RAD51B: variants seen among roughly 807,000 people sequenced by gnomAD.
The protein encoded by RAD51B is DNA repair protein RAD51 homolog 2.
RAD51B carries 38 observed loss-of-function variants against 42.2 expected under a neutral mutation model. The observed-to-expected ratio is 0.90, with a 90% CI of 0.70 to 1.18. The LOEUF (loss-of-function observed/expected upper bound fraction) is 1.18, where lower values mean the gene tolerates loss of function less well. Ranked by LOEUF, RAD51B falls within the 50% of genes most tolerant of loss-of-function variation. The pLI is 0.00. For synonymous variants in RAD51B, 154 were observed against 145.2 expected, an observed-to-expected ratio of 1.06 and a Z score of -0.43; for missense variants, 373 against 400.7, an observed-to-expected ratio of 0.93 and a Z score of 0.59.
intron 8 of RAD51B, among the ~76,000 whole-genome samples, chr14:68,325,261 A>G (rs1206203736): frequency 6.6e-6 from 1 of 152,244 alleles, no homozygotes. Flanking sequence ...TAAAATATGT[A>G]AAACACTTAG....
At chr14:67,833,819 C>T (rs1434902712) in intron 3 of RAD51B, among the ~76,000 whole-genome samples, 2 of 152,166 alleles carry the variant, frequency 1.3e-5, no homozygotes, top group Non-Finnish European at 2.9e-5. Flanking sequence ...GTTGCTAGTA[C>T]CAAAAGTTTT....
intron 10 of RAD51B, among the ~76,000 whole-genome samples, chr14:68,641,793 T>A (rs1892467556): frequency 6.6e-6 from 1 of 151,788 alleles, no homozygotes; most frequent in African/African-American, 2.4e-5. Context: ...ACTCCTGGGT[T>A]CAAGTGATCC....
chr14:68,343,611 AG>A (rs1191911008), intron 8 of RAD51B, among the ~76,000 whole-genome samples: 1 of 152,278 alleles, frequency 6.6e-6, no homozygotes, highest in South Asian at 2.1e-4. Context: ...AAGCAGGCTG[AG>A]GAACAACCAC....
At chr14:67,924,375 C>A (rs2044431494) in intron 7 of RAD51B, among the ~76,000 whole-genome samples, 1 of 152,128 alleles carries the variant, frequency 6.6e-6, no homozygotes, top group South Asian at 2.1e-4. Flanking sequence ...AGATTTAAGT[C>A]TTTGATCCAT....
intron 7 of RAD51B, among the ~76,000 whole-genome samples, chr14:68,027,810 T>G (rs1285223138): frequency 6.6e-6 from 1 of 152,256 alleles, no homozygotes; most frequent in African/African-American, 2.4e-5. Flanking sequence ...GCCATCTAGA[T>G]TCTGAATTTT....
At chr14:68,208,967 G>T (rs1004011703) in intron 7 of RAD51B, among the ~76,000 whole-genome samples, 4 of 152,212 alleles carry the variant, frequency 2.6e-5, no homozygotes, top group African/African-American at 9.6e-5. Flanking sequence ...AATGGAATCT[G>T]TGGAGATCTT....
intron 7 of RAD51B, among the ~76,000 whole-genome samples, chr14:67,947,017 C>T (rs1325212355): frequency 2.0e-5 from 3 of 151,740 alleles, no homozygotes; most frequent in Non-Finnish European, 4.4e-5. Context: ...TAATAGTAGC[C>T]CTGTTATACA....
At chr14:68,090,207 C>T (rs576740735) in intron 7 of RAD51B, among the ~76,000 whole-genome samples, 8 of 152,210 alleles carry the variant, frequency 5.3e-5, no homozygotes, top group African/African-American at 1.4e-4. Context: ...CATCGTATCT[C>T]GTTAATCTTC....
intron 3 of RAD51B, among the ~76,000 whole-genome samples, chr14:67,828,234 T>A (rs549444327): frequency 6.6e-6 from 1 of 152,332 alleles, no homozygotes; most frequent in South Asian, 2.1e-4. Context: ...ATTTCTCTAA[T>A]GATCAGTGAT....
intron 7 of RAD51B, among the ~76,000 whole-genome samples, chr14:67,959,617 A>T (rs28701947): frequency 0.069 from 10,445 of 152,232 alleles, 874 homozygotes; most frequent in African/African-American, 0.2. Context: ...TGCTGATCTA[A>T]AAGTGTTATT....
intron 7 of RAD51B, among the ~76,000 whole-genome samples, chr14:67,893,215 G>C (rs1464615078): frequency 6.6e-6 from 1 of 152,010 alleles, no homozygotes; most frequent in Non-Finnish European, 1.5e-5. Context: ...GATAATTATG[G>C]TTTGTAAGAT....
At position 68,205,835 on chromosome 14, in the gene RAD51B, C is replaced by T. The variant is rs923468682; in HGVS notation, c.757-86049C>T. On this transcript the variant is annotated intron_variant, in intron 7 of 10. Transcript: ENST00000471583. Reference sequence around the variant, plus strand: ...CATGATTCTATACCCCCAAATACTTCGGTGTGGTATTTCCAAGAAAGGGGA... The same window carrying T: ...CATGATTCTATACCCCCAAATACTTTGGTGTGGTATTTCCAAGAAAGGGGA... Among the ~76,000 whole-genome samples, 13 of 152,030 alleles carry T rather than the reference C, an allele frequency of 8.6e-5. 1 individual carries two copies. The highest frequency in any genetic ancestry group is 1.5e-4 in the Non-Finnish European group (10 of 67,992).
intron 10 of RAD51B, among the ~76,000 whole-genome samples, chr14:68,607,981 T>A (rs755776517): frequency 1.3e-5 from 2 of 152,184 alleles, no homozygotes; most frequent in African/African-American, 2.4e-5. Flanking sequence ...GGTTCTGGTT[T>A]GAGTGGAAGG....
intron 7 of RAD51B, among the ~76,000 whole-genome samples, chr14:68,204,195 G>A (rs894942246): frequency 6.6e-6 from 1 of 152,186 alleles, no homozygotes; most frequent in African/African-American, 2.4e-5. Flanking sequence ...GATTTAAAAT[G>A]AGAGAAGTGT....
intron 1 of RAD51B, among the ~76,000 whole-genome samples, chr14:67,822,773 G>T (rs1395911357): frequency 1.3e-5 from 2 of 151,970 alleles, no homozygotes; most frequent in Non-Finnish European, 2.9e-5. Flanking sequence ...TTTTAATACT[G>T]CAGTGATAAA....
chr14:67,884,203 A>G (rs893483038), intron 5 of RAD51B, among the ~76,000 whole-genome samples: 1 of 152,210 alleles, frequency 6.6e-6, no homozygotes, highest in African/African-American at 2.4e-5. Flanking sequence ...TTAGCATGGT[A>G]ACTGTGAACA....
At chr14:68,591,415 C>T (rs1324164553) in intron 10 of RAD51B, among the ~76,000 whole-genome samples, 1 of 152,254 alleles carries the variant, frequency 6.6e-6, no homozygotes, top group Non-Finnish European at 1.5e-5. Context: ...GGAGCCACCT[C>T]ATTGGCTTTT....
At chr14:68,087,527 T>TA (rs1435474847) in intron 7 of RAD51B, among the ~76,000 whole-genome samples, 4 of 152,044 alleles carry the variant, frequency 2.6e-5, no homozygotes, top group African/African-American at 9.7e-5. Context: ...GTTCAAATGT[T>TA]AAAGGGTTGA....
chr14:68,492,049 A>C (rs185208138), intron 10 of RAD51B, among the ~76,000 whole-genome samples: 1 of 152,324 alleles, frequency 6.6e-6, no homozygotes, highest in Admixed American at 6.5e-5. Context: ...TCTCACAGGC[A>C]GGCTTTCACC....
Sources: allele counts gnomAD v4.1 joint callset (sites outside exome capture counted in the v4.1 genomes callset), GRCh38; gene constraint gnomAD v4.1.1; transcripts MANE v1.5; gene names NCBI Gene and HGNC (gene_info 2026-07-23, HGNC 2026-07-21).